SLC45A2: variants seen among roughly 807,000 people sequenced by gnomAD.
SLC45A2 encodes the protein solute carrier family 45 member 2, also known as membrane-associated transporter protein.
A neutral mutation model predicts 45.5 loss-of-function variants in SLC45A2; 36 were observed. The observed-to-expected ratio is 0.79, with a 90% CI of 0.61 to 1.04. The LOEUF is 1.04. Ranked by LOEUF, SLC45A2 falls within the 50% of genes least tolerant of loss-of-function variation. The pLI, the probability that SLC45A2 is intolerant of heterozygous loss-of-function variation, is 0.00. For synonymous variants in SLC45A2, 306 were observed against 269.3 expected (o/e 1.14, Z -1.33); for missense variants, 719 against 671.0 (o/e 1.07, Z -0.79).
At chr5:33,979,296 C>T (rs1167249741) in intron 2 of SLC45A2, among the ~76,000 whole-genome samples, 2 of 152,160 alleles carry the variant, frequency 1.3e-5, no homozygotes, top group East Asian at 1.9e-4. Flanking sequence ...TCCTGATTGG[C>T]AATTGGTTGA....
At chr5:33,945,164 T>G (rs545244469) in intron 6 of SLC45A2, among the ~76,000 whole-genome samples, 1 of 152,356 alleles carries the variant, frequency 6.6e-6, no homozygotes, top group Non-Finnish European at 1.5e-5. Flanking sequence ...TATTAGCATT[T>G]GATTTCATGT....
chr5:33,965,280 TAAACTCTGACCTCAAGAACACAA>T (rs1210592729), intron 2 of SLC45A2, among the ~76,000 whole-genome samples: 2 of 152,198 alleles, frequency 1.3e-5, no homozygotes. Flanking sequence ...TAAAGTTACA[TAAACTCTGACCTCAAGAACACAA>T]ACCTGAATGT....
intron 2 of SLC45A2, among the ~76,000 whole-genome samples, chr5:33,973,009 C>CTA (rs758660144): frequency 6.6e-6 from 1 of 151,986 alleles, no homozygotes; most frequent in Non-Finnish European, 1.5e-5. Context: ...TGATTCAGAC[C>CTA]TACAGAAATA....
chr5:33,951,430 C>T (rs776833513), intron 5 of SLC45A2, 124 bp downstream of exon 5: 83 of 1,593,220 alleles, frequency 5.2e-5, no homozygotes, highest in Middle Eastern at 2.2e-4. Flanking sequence ...TTTTTCCTGA[C>T]GTCCATAGAT....
At chr5:33,966,414 G>GAGA (rs1255891149) in intron 2 of SLC45A2, among the ~76,000 whole-genome samples, 1 of 151,034 alleles carries the variant, frequency 6.6e-6, no homozygotes, top group African/African-American at 2.4e-5. Flanking sequence ...CACATAATGG[G>GAGA]AGAAGCTACT....
At chr5:33,960,159 T>G (rs1752407351) in intron 3 of SLC45A2, among the ~76,000 whole-genome samples, 1 of 152,158 alleles carries the variant, frequency 6.6e-6, no homozygotes, top group Non-Finnish European at 1.5e-5. Flanking sequence ...TTCAGGAATC[T>G]CCACACTGTT....
At chr5:33,946,670 A>G in intron 6 of SLC45A2, 2 of 1,026,118 alleles carry the variant, frequency 1.9e-6, no homozygotes, top group Non-Finnish European at 2.3e-6. Flanking sequence ...ACTTACTAAA[A>G]TCTGGACTCC....
At chr5:33,966,480 C>T (rs530145890) in intron 2 of SLC45A2, among the ~76,000 whole-genome samples, 1 of 139,102 alleles carries the variant, frequency 7.2e-6, no homozygotes, top group Admixed American at 7.8e-5. Flanking sequence ...GTCGCCCAGG[C>T]CGGACTGCGG....
In SLC45A2 at chr5:33,947,247, G is replaced by A; in HGVS notation, c.1284C>T (p.Cys428=). The change falls in exon 6 of 7, where the codon TGC becomes TGT. Residue 428 remains cysteine, a synonymous_variant. Transcript: ENST00000296589. ...TGCTGGACATTACACCAAACAGGCT[G>A]CACAGGACCAGGGTGGAGTAGACAT... is the stretch of plus-strand genomic sequence containing the variant. The part of the protein sequence containing the change: ...FPNVYSTLVL[C]SLFGVMSSTL... 1 of 1,614,204 alleles carries A rather than the reference G, an allele frequency of 6.2e-7. No individual in the cohort carries two copies. Among genetic ancestry groups the A allele is most frequent in the Non-Finnish European group, 8.5e-7 (1 of 1,180,042 alleles).
chr5:33,978,792 G>C (rs1308793840), intron 2 of SLC45A2, among the ~76,000 whole-genome samples: 1 of 152,126 alleles, frequency 6.6e-6, no homozygotes, highest in Non-Finnish European at 1.5e-5. Context: ...TTGGGCAACT[G>C]TTCTGAGGAC....
intron 2 of SLC45A2, among the ~76,000 whole-genome samples, chr5:33,970,425 G>A (rs372836858): frequency 5.3e-5 from 8 of 152,330 alleles, no homozygotes; most frequent in East Asian, 3.9e-4. Context: ...GCCTGTTCCT[G>A]TCCACCATTT....
intron 3 of SLC45A2, among the ~76,000 whole-genome samples, chr5:33,957,911 TA>T (rs1752323586): frequency 6.6e-6 from 1 of 152,208 alleles, no homozygotes; most frequent in Non-Finnish European, 1.5e-5. Context: ...AGTATTTCTG[TA>T]AAAGCTGAGA....
In SLC45A2 at chr5:33,984,540, G is replaced by T; in HGVS notation, c.44C>A (p.Ser15Tyr). 6.2e-7 allele frequency: 1 copy of T among 1,612,594 alleles called. No individual in the cohort carries two copies. Residue 15 changes from serine (S) to tyrosine (Y), a missense_variant, in exon 1 of 7, where the codon TCC becomes TAC. By Grantham distance (144) the Ser-to-Tyr change is moderately radical. Transcript: ENST00000296589. Reference protein sequence around the residue: ...SGQAGRHIYKSLADDGPFDSV... With the variant: ...SGQAGRHIYKYLADDGPFDSV... ...GTCAAAGGGGCCATCATCAGCTAGG[G>T]ATTTATAGATGTGGCGGCCAGCCTG...
chr5:33,945,797 CA>C (rs146922924), intron 6 of SLC45A2: 474 of 301,634 alleles, frequency 1.6e-3, no homozygotes, highest in Non-Finnish European at 2.1e-3. Context: ...CACTATTAGG[CA>C]AAAAAAAAGC....
chr5:33,946,267 C>T (rs1751923644), intron 6 of SLC45A2: 1 of 985,312 alleles, frequency 1.0e-6, no homozygotes, highest in Admixed American at 6.1e-5. Context: ...AGCCACACCT[C>T]TTTTTTGAAA....
In SLC45A2 at chr5:33,944,887, C is replaced by T. The variant is rs1178755725; in HGVS notation, c.1369-15G>A. 3.7e-6 allele frequency: 6 copies of T among 1,603,070 alleles called. No homozygotes were observed. The East Asian group carries it at 6.8e-5, about 18-fold the overall frequency. ...GCCTGCTGCCTCTGCAAAGGAAGCA[C>T]AGAACCACCATTTGACCTACAAGGA... On this transcript the variant is annotated splice_polypyrimidine_tract_variant and intron_variant, in intron 6 of 6. Transcript: ENST00000296589.
chr5:33,950,003 T>C (rs1167028917), intron 5 of SLC45A2, among the ~76,000 whole-genome samples: 1 of 151,810 alleles, frequency 6.6e-6, no homozygotes, highest in Admixed American at 6.6e-5. Flanking sequence ...GCCTGGGCAA[T>C]GTAGGGAGAC....
At chr5:33,953,500 G>T (rs1270128964) in intron 4 of SLC45A2, among the ~76,000 whole-genome samples, 1 of 151,944 alleles carries the variant, frequency 6.6e-6, no homozygotes, top group East Asian at 1.9e-4. Flanking sequence ...CTTCTTTTGA[G>T]AAGTGTCTGT....
chr5:33,971,602 C>T (rs1257961931), intron 2 of SLC45A2, among the ~76,000 whole-genome samples: 1 of 152,086 alleles, frequency 6.6e-6, no homozygotes, highest in Non-Finnish European at 1.5e-5. Flanking sequence ...CCATGCCCAA[C>T]TAATTTTTAA....
Sources: allele counts gnomAD v4.1 joint callset (sites outside exome capture counted in the v4.1 genomes callset), GRCh38; gene constraint gnomAD v4.1.1; transcripts MANE v1.5; gene names NCBI Gene and HGNC (gene_info 2026-07-23, HGNC 2026-07-21).